Variants in MINDY4 observed in about 807,000 individuals in gnomAD.
The protein encoded by MINDY4 is MINDY lysine 48 deubiquitinase 4.
A neutral mutation model predicts 87.0 loss-of-function variants in MINDY4; 68 were observed. The ratio of observed to expected loss-of-function variants is 0.78; its 90% confidence interval spans 0.64 to 0.96. MINDY4 has a LOEUF of 0.96. MINDY4 is among the 40% of genes least tolerant of loss of function. The probability of loss-of-function intolerance (pLI) is 0.00; values close to 1 mark genes in which losing one functional copy is unlikely to be tolerated. For missense variants in MINDY4, 919 were observed against 928.2 expected (o/e 0.99, Z 0.13); for synonymous variants, 379 against 363.2 (o/e 1.04, Z -0.50).
intron 9 of MINDY4, among the ~76,000 whole-genome samples, chr7:30,844,090 AC>A (rs1015969838): frequency 6.6e-6 from 1 of 151,730 alleles, no homozygotes; most frequent in Non-Finnish European, 1.5e-5. Context: ...CTTGTAGCCC[AC>A]CCCCTGGACT....
intron 1 of MINDY4, among the ~76,000 whole-genome samples, chr7:30,775,455 CCGTCTT>C (rs2128164510): frequency 6.6e-6 from 1 of 152,310 alleles, no homozygotes; most frequent in Admixed American, 6.5e-5. Flanking sequence ...AACTTCTGTG[CCGTCTT>C]CAGCATGCTG....
At chr7:30,788,367 C>A (rs2128167602) in intron 4 of MINDY4, among the ~76,000 whole-genome samples, 1 of 152,060 alleles carries the variant, frequency 6.6e-6, no homozygotes, top group South Asian at 2.1e-4. Context: ...AAGTTTTTAC[C>A]CCTGAATGAT....
rs764087591 is a variant in MINDY4, at chr7:30,778,468, C to T, written c.100C>T (p.Arg34Cys). The T allele has an allele frequency of 3.1e-5, 50 of 1,614,030 alleles. No homozygotes were observed. The highest frequency in any genetic ancestry group is 8.8e-5 in the South Asian group (8 of 91,080). Residue 34 changes from arginine to cysteine, a missense_variant, in exon 2 of 18, where the codon CGC (arginine) becomes TGC (cysteine). Arg to Cys is a radical substitution (Grantham distance 180). Coordinates refer to ENST00000265299, the MANE Select transcript of MINDY4 (RefSeq NM_032222.3). ...KKTCVTMDQE[R>C]PRSDLSINNR... ...GACATGTGTGACCATGGACCAGGAACGCCCACGCTCTGACCTCAGCATAAA... is the reference window on the plus strand; with the variant it reads ...GACATGTGTGACCATGGACCAGGAATGCCCACGCTCTGACCTCAGCATAAA...
At chr7:30,876,062 A>T (rs951357017) in intron 15 of MINDY4, among the ~76,000 whole-genome samples, 1 of 152,068 alleles carries the variant, frequency 6.6e-6, no homozygotes, top group African/African-American at 2.4e-5. Context: ...ACAGAAACTT[A>T]ACTGTCTCAC....
At chr7:30,891,395 C>A (rs559437748) in intron 17 of MINDY4, among the ~76,000 whole-genome samples, 4 of 147,776 alleles carry the variant, frequency 2.7e-5, no homozygotes, top group Non-Finnish European at 5.9e-5. Flanking sequence ...ATACTCCGTG[C>A]TTCTTCAGGT....
At chr7:30,805,074 G>T (rs1787766068) in intron 5 of MINDY4, among the ~76,000 whole-genome samples, 2 of 152,224 alleles carry the variant, frequency 1.3e-5, no homozygotes, top group Non-Finnish European at 2.9e-5. Context: ...TTTGGGTTCT[G>T]TTGTTTTTTA....
chr7:30,817,366 C>CTT (rs572880227), intron 5 of MINDY4, among the ~76,000 whole-genome samples: 11,418 of 114,012 alleles, frequency 0.1, 647 homozygotes, highest in East Asian at 0.2. Context: ...TTGGGTTTGT[C>CTT]TTTTTTTTTT....
chr7:30,835,088 CG>C (rs1173583142), intron 6 of MINDY4, among the ~76,000 whole-genome samples: 1 of 152,308 alleles, frequency 6.6e-6, no homozygotes, highest in Non-Finnish European at 1.5e-5. Flanking sequence ...TTTTCAGCAG[CG>C]CCCCACTTTA....
intron 13 of MINDY4, among the ~76,000 whole-genome samples, chr7:30,863,469 C>A (rs148544537): frequency 2.0e-5 from 3 of 152,154 alleles, no homozygotes; most frequent in African/African-American, 7.2e-5. Flanking sequence ...TGATTGTGTA[C>A]ATGTGCATGT....
chr7:30,781,863 T>C, intron 2 of MINDY4, 114 bp from the exon 3 acceptor site: 3 of 702,138 alleles, frequency 4.3e-6, no homozygotes, highest in Middle Eastern at 5.1e-4. Context: ...TGAAAGCTTG[T>C]ATGAATGAGT....
chr7:30,789,859 T>C (rs57996207), intron 4 of MINDY4, among the ~76,000 whole-genome samples: 5,664 of 152,256 alleles, frequency 0.037, 147 homozygotes, highest in Middle Eastern at 0.099. Flanking sequence ...CCTCTACTCA[T>C]CTTTGACGGT....
intron 3 of MINDY4, among the ~76,000 whole-genome samples, chr7:30,783,105 C>T (rs1034039781): frequency 4.3e-4 from 65 of 152,186 alleles, no homozygotes; most frequent in Admixed American, 2.0e-3. Flanking sequence ...AGTGTAAAAT[C>T]AGTCTCACTA....
chr7:30,816,272 T>G (rs1162387028), intron 5 of MINDY4, among the ~76,000 whole-genome samples: 1 of 148,930 alleles, frequency 6.7e-6, no homozygotes, highest in East Asian at 2.1e-4. Flanking sequence ...CTGTATGCCC[T>G]TGAAGAAAAC....
chr7:30,804,195 A>T (rs999944100), intron 5 of MINDY4, among the ~76,000 whole-genome samples: 1 of 152,228 alleles, frequency 6.6e-6, no homozygotes, highest in Non-Finnish European at 1.5e-5. Context: ...ATGATCTGCC[A>T]GGGCAGCTTC....
chr7:30,827,301 T>C (rs2128562395), intron 5 of MINDY4, among the ~76,000 whole-genome samples: 1 of 152,184 alleles, frequency 6.6e-6, no homozygotes, highest in South Asian at 2.1e-4. Context: ...CTTGCCTTCA[T>C]CTCCAGATGA....
At chr7:30,797,943 T>C (rs1436277403) in intron 5 of MINDY4, among the ~76,000 whole-genome samples, 1 of 152,110 alleles carries the variant, frequency 6.6e-6, no homozygotes, top group South Asian at 2.1e-4. Context: ...TTCTGAGAAG[T>C]GCATTTTCAG....
At chr7:30,790,619 A>G (rs1405249801) in intron 4 of MINDY4, among the ~76,000 whole-genome samples, 1 of 151,630 alleles carries the variant, frequency 6.6e-6, no homozygotes, top group East Asian at 1.9e-4. Context: ...ATTTTTTTGT[A>G]TTTTTAGTAG....
chr7:30,817,948 G>A (rs975084885), intron 5 of MINDY4, among the ~76,000 whole-genome samples: 7 of 152,106 alleles, frequency 4.6e-5, no homozygotes, highest in African/African-American at 1.2e-4. Context: ...AGTTTCACTC[G>A]CCTTGTTGCT....
intron 17 of MINDY4, among the ~76,000 whole-genome samples, chr7:30,887,621 C>G (rs533238541): frequency 6.6e-6 from 1 of 152,158 alleles, no homozygotes; most frequent in Non-Finnish European, 1.5e-5. Flanking sequence ...CCTGGGAGGG[C>G]GGGGCCACTC....
Sources: allele counts gnomAD v4.1 joint callset (sites outside exome capture counted in the v4.1 genomes callset), GRCh38; gene constraint gnomAD v4.1.1; transcripts MANE v1.5; gene names NCBI Gene and HGNC (gene_info 2026-07-23, HGNC 2026-07-21).